MAPKAP1: variants seen among roughly 807,000 people sequenced by gnomAD.
The protein encoded by MAPKAP1 is MAPK associated protein 1.
A neutral mutation model predicts 65.7 loss-of-function variants in MAPKAP1; 20 were observed. The observed-to-expected ratio is 0.30, with a 90% CI of 0.21 to 0.44. The LOEUF is 0.44. MAPKAP1 is among the 20% of genes least tolerant of loss of function. The probability of loss-of-function intolerance (pLI) is 1.00; values close to 1 mark genes in which losing one functional copy is unlikely to be tolerated. For missense variants in MAPKAP1, 423 were observed against 648.0 expected (o/e 0.65, Z 3.77); for synonymous variants, 222 against 244.3 (o/e 0.91, Z 0.85).
At chr9:125,695,735 T>C (rs1351236774) in intron 1 of MAPKAP1, among the ~76,000 whole-genome samples, 11 of 120,586 alleles carry the variant, frequency 9.1e-5, no homozygotes, top group South Asian at 5.1e-4. Context: ...CTTTTCTTTC[T>C]TTTTTTTTTT....
intron 1 of MAPKAP1, among the ~76,000 whole-genome samples, chr9:125,679,405 T>C (rs970196789): frequency 1.3e-5 from 2 of 152,220 alleles, no homozygotes; most frequent in African/African-American, 2.4e-5. Flanking sequence ...AAATGTGTTA[T>C]GCAGTAGAGT....
At chr9:125,521,332 G>A (rs1829612283) in intron 7 of MAPKAP1, 3 of 345,374 alleles carry the variant, frequency 8.7e-6, no homozygotes, top group Admixed American at 6.3e-5. Flanking sequence ...TCACTTGTTA[G>A]AGAGGTTGGA....
intron 6 of MAPKAP1, among the ~76,000 whole-genome samples, chr9:125,552,465 A>AACC: frequency 6.6e-6 from 1 of 152,366 alleles, no homozygotes; most frequent in East Asian, 1.9e-4. Context: ...TATAATTCAC[A>AACC]ACCTTTGCAT....
intron 1 of MAPKAP1, among the ~76,000 whole-genome samples, chr9:125,687,177 A>T (rs1275734121): frequency 6.6e-6 from 1 of 151,632 alleles, no homozygotes; most frequent in African/African-American, 2.4e-5. Context: ...AATAACTACA[A>T]GAGTTAAAGG....
intron 1 of MAPKAP1, among the ~76,000 whole-genome samples, chr9:125,698,954 C>T (rs1286725678): frequency 1.3e-5 from 2 of 152,172 alleles, no homozygotes; most frequent in East Asian, 3.8e-4. Flanking sequence ...TTTATGACCA[C>T]TCCATCAAAT....
In MAPKAP1 at chr9:125,438,651, C is replaced by T. The variant is rs569206038; in HGVS notation, c.*236G>A. On this transcript the variant is annotated 3_prime_UTR_variant, in exon 12 of 12. Coordinates refer to ENST00000265960, the MANE Select transcript of MAPKAP1 (RefSeq NM_001006617.3). ...TGGCTCCTCTAGGGGGTGGTCTGAC[C>T]CCCAAGCATCGCTTATCAAAGCCAC... 6 of 522,688 alleles carry T rather than the reference C, an allele frequency of 1.1e-5. No individual in the cohort carries two copies. Among genetic ancestry groups the T allele is most frequent in the South Asian group, 3.4e-5 (1 of 29,392 alleles). 32.4% of individuals were successfully genotyped at this position (522,688 alleles called of 1,614,324 possible).
At chr9:125,547,188 G>A (rs1830451123) in intron 6 of MAPKAP1, among the ~76,000 whole-genome samples, 1 of 152,238 alleles carries the variant, frequency 6.6e-6, no homozygotes, top group Non-Finnish European at 1.5e-5. Flanking sequence ...ATGCCAGCAC[G>A]AACCCAACGC....
At chr9:125,454,530 GGAAAA>G (rs1299771325) in intron 10 of MAPKAP1, among the ~76,000 whole-genome samples, 1 of 152,118 alleles carries the variant, frequency 6.6e-6, no homozygotes, top group African/African-American at 2.4e-5. Flanking sequence ...TAGAGTATAA[GGAAAA>G]GAAAATACTG....
chr9:125,506,881 A>G (rs552615865), intron 7 of MAPKAP1, among the ~76,000 whole-genome samples: 2 of 152,386 alleles, frequency 1.3e-5, no homozygotes, highest in South Asian at 4.1e-4. Context: ...AATTACAATC[A>G]GGAATAAGAT....
intron 6 of MAPKAP1, among the ~76,000 whole-genome samples, chr9:125,545,562 A>G (rs893872459): frequency 1.3e-5 from 2 of 152,204 alleles, no homozygotes; most frequent in African/African-American, 2.4e-5. Context: ...TACAGGAACT[A>G]CTGTAGATTT....
At chr9:125,477,201 T>G (rs2133014449) in intron 9 of MAPKAP1, among the ~76,000 whole-genome samples, 1 of 152,354 alleles carries the variant, frequency 6.6e-6, no homozygotes, top group South Asian at 2.1e-4. Flanking sequence ...AGGTTATAGA[T>G]GCGATGCTGA....
Position 125,447,239 on chromosome 9 carries a change from C to G in MAPKAP1, c.1346-2641G>C, listed in dbSNP as rs537515030. 2 of 370,612 alleles carry G rather than the reference C, an allele frequency of 5.4e-6. No homozygotes were observed. Among genetic ancestry groups the G allele is most frequent in the East Asian group, 1.5e-4 (2 of 13,392 alleles). 23.0% of individuals were successfully genotyped at this position (370,612 alleles called of 1,614,324 possible). The stretch of plus-strand genomic sequence containing the variant: ...AGCACCCATCTGAGGAAGAGTGAAG[C>G]AGGTGAGGAGGAGGAAGAGTCCCAA... On this transcript the variant is annotated intron_variant, in intron 10 of 11. Coordinates refer to ENST00000265960, the MANE Select transcript of MAPKAP1 (RefSeq NM_001006617.3). This position sits in a 1 kb window ranked among gnomAD's most constrained non-coding sequence, Gnocchi z 4.5.
intron 5 of MAPKAP1, among the ~76,000 whole-genome samples, chr9:125,576,571 C>T (rs1451996241): frequency 1.3e-5 from 2 of 152,220 alleles, no homozygotes; most frequent in Non-Finnish European, 2.9e-5. Context: ...GATGCCCAGC[C>T]GAAGCTGGAC....
chr9:125,501,929 T>A (rs1828993305), intron 8 of MAPKAP1, among the ~76,000 whole-genome samples: 1 of 152,164 alleles, frequency 6.6e-6, no homozygotes, highest in Non-Finnish European at 1.5e-5. Flanking sequence ...TGGAAGTGTA[T>A]CGATTTTGTT....
chr9:125,463,990 C>T (rs1391463468), intron 10 of MAPKAP1, among the ~76,000 whole-genome samples: 1 of 152,104 alleles, frequency 6.6e-6, no homozygotes, highest in African/African-American at 2.4e-5. Flanking sequence ...TGGGTACCAG[C>T]TTCACAGAAA....
At chr9:125,446,779 G>A (rs542803658) in intron 10 of MAPKAP1, among the ~76,000 whole-genome samples, 9 of 152,220 alleles carry the variant, frequency 5.9e-5, no homozygotes, top group South Asian at 2.1e-4. Context: ...GACAGCTTAT[G>A]GACTGTCCAC....
At chr9:125,517,391 G>A (rs1025561024) in intron 7 of MAPKAP1, among the ~76,000 whole-genome samples, 26 of 152,016 alleles carry the variant, frequency 1.7e-4, no homozygotes, top group African/African-American at 6.0e-4. Context: ...CCAGGGTTGG[G>A]GTGGGGGTTC....
intron 5 of MAPKAP1, among the ~76,000 whole-genome samples, chr9:125,584,500 G>A (rs913355473): frequency 4.6e-5 from 7 of 152,040 alleles, no homozygotes; most frequent in East Asian, 3.9e-4. Context: ...GTGCAGTGGC[G>A]CGATCTCGGT....
intron 5 of MAPKAP1, among the ~76,000 whole-genome samples, chr9:125,579,601 A>G (rs1831555277): frequency 6.6e-6 from 1 of 152,144 alleles, no homozygotes; most frequent in Non-Finnish European, 1.5e-5. Flanking sequence ...CCCAAGAACA[A>G]TATTCTTAAA....
Sources: allele counts gnomAD v4.1 joint callset (sites outside exome capture counted in the v4.1 genomes callset), GRCh38; gene constraint gnomAD v4.1.1; non-coding constraint Gnocchi (gnomAD v3.1); transcripts MANE v1.5; gene names NCBI Gene and HGNC (gene_info 2026-07-23, HGNC 2026-07-21).